GRIP1: variants seen among roughly 807,000 people sequenced by gnomAD.
GRIP1 encodes glutamate receptor interacting protein 1.
In GRIP1, 45 loss-of-function variants were observed where a neutral mutation model predicts 129.9. The observed-to-expected ratio is 0.35, with a 90% CI of 0.27 to 0.44. The LOEUF (loss-of-function observed/expected upper bound fraction) is 0.44. Ranked by LOEUF, GRIP1 falls within the 20% of genes least tolerant of loss-of-function variation. The probability of loss-of-function intolerance (pLI) is 1.00; values close to 1 mark genes in which losing one functional copy is unlikely to be tolerated. For synonymous variants in GRIP1, 530 were observed against 520.8 expected (o/e 1.02, Z -0.24); for missense variants, 1,196 against 1,396.8 (o/e 0.86, Z 2.29).
rs754282579 is a variant in GRIP1 at position 66,371,940 on chromosome 12, C to T, written c.2779-13G>A. On this transcript the variant is annotated splice_polypyrimidine_tract_variant and intron_variant, in intron 22 of 24. Transcript: ENST00000359742. Reference sequence around the variant, plus strand: ...ACATGATTGTTGCCTGTGGCATTGACAATTTTTAGAAACAATTAAGCCATG... The same window carrying T: ...ACATGATTGTTGCCTGTGGCATTGATAATTTTTAGAAACAATTAAGCCATG... 6.4e-7 allele frequency: 1 copy of T among 1,550,480 alleles called. No homozygotes were observed. Among genetic ancestry groups the T allele is most frequent in the South Asian group, 1.1e-5 (1 of 89,952 alleles).
chr12:67,063,677 C>T (rs2043573281), intron 1 of GRIP1, among the ~76,000 whole-genome samples: 1 of 152,076 alleles, frequency 6.6e-6, no homozygotes, highest in Non-Finnish European at 1.5e-5. Context: ...ATCCTAAATG[C>T]CTTTAATAGT....
intron 1 of GRIP1, among the ~76,000 whole-genome samples, chr12:66,814,589 T>TAAAAAAAAAA (rs79461500): frequency 9.2e-6 from 1 of 108,424 alleles, no homozygotes. Context: ...AGTGATACCA[T>TAAAAAAAAAA]AAAAAAAAAA....
chr12:66,685,751 T>C (rs552177377), intron 1 of GRIP1, among the ~76,000 whole-genome samples: 1 of 152,326 alleles, frequency 6.6e-6, no homozygotes, highest in South Asian at 2.1e-4. Context: ...ACTCCCTCCA[T>C]ACCCAGCTTA....
At chr12:66,782,161 T>C (rs2038181624) in intron 1 of GRIP1, among the ~76,000 whole-genome samples, 1 of 152,178 alleles carries the variant, frequency 6.6e-6, no homozygotes, top group African/African-American at 2.4e-5. Context: ...ATTCATTAAG[T>C]TGTACACTTA....
At chr12:66,787,003 CCAAAA>C (rs2038368759) in intron 1 of GRIP1, among the ~76,000 whole-genome samples, 1 of 152,070 alleles carries the variant, frequency 6.6e-6, no homozygotes, top group Non-Finnish European at 1.5e-5. Flanking sequence ...GAGAAGAAAT[CCAAAA>C]CAAAACAACA....
At chr12:66,838,742 C>T (rs1444160293) in intron 1 of GRIP1, among the ~76,000 whole-genome samples, 1 of 152,082 alleles carries the variant, frequency 6.6e-6, no homozygotes, top group Non-Finnish European at 1.5e-5. Context: ...GGTTTGGTAG[C>T]AGTGGTGACT....
At chr12:66,464,954 C>CTTTTT (rs62769560) in intron 8 of GRIP1, among the ~76,000 whole-genome samples, 3,085 of 93,512 alleles carry the variant, frequency 0.033, 137 homozygotes, top group African/African-American at 0.1. Context: ...TTCTTTCTTT[C>CTTTTT]TTTTTTTTTT....
At chr12:66,748,159 C>T (rs1054537518) in intron 1 of GRIP1, among the ~76,000 whole-genome samples, 1 of 152,076 alleles carries the variant, frequency 6.6e-6, no homozygotes, top group African/African-American at 2.4e-5. Context: ...TCTGGGACTA[C>T]AGGGCACACC....
chr12:66,641,193 T>C (rs982349769), intron 1 of GRIP1, among the ~76,000 whole-genome samples: 9 of 152,242 alleles, frequency 5.9e-5, no homozygotes, highest in African/African-American at 2.2e-4. Context: ...TGGTAGTAAC[T>C]GAGACACTGT....
chr12:66,835,797 G>A (rs564209767), intron 1 of GRIP1, among the ~76,000 whole-genome samples: 19 of 152,288 alleles, frequency 1.2e-4, no homozygotes, highest in African/African-American at 3.4e-4. Context: ...ATCATTTTGC[G>A]TGATACCCCA....
intron 22 of GRIP1, among the ~76,000 whole-genome samples, chr12:66,373,229 A>G (rs548283491): frequency 6.6e-6 from 1 of 152,292 alleles, no homozygotes; most frequent in East Asian, 1.9e-4. Flanking sequence ...AGCTGGGACT[A>G]CAGGCATGCG....
intron 16 of GRIP1, among the ~76,000 whole-genome samples, chr12:66,400,667 T>C (rs1565701201): frequency 6.6e-6 from 1 of 152,132 alleles, no homozygotes. Flanking sequence ...TGATTTATGG[T>C]CTCCAAAAAT....
rs562644856 is a variant in GRIP1 at position 66,527,347 on chromosome 12, TA to T, written c.502+2483del. Among the ~76,000 whole-genome samples, 18 of 152,098 alleles carry T rather than the reference TA, an allele frequency of 1.2e-4. No individual in the cohort carries two copies. In the South Asian group the frequency reaches 3.7e-3, roughly 32 times the overall value. ...TACACCATGGAATACTATGCAGCCA[TA>T]AAAAATGATGAGTTCATGTCCTTTA... On this transcript the variant is annotated intron_variant, in intron 5 of 24. Transcript: ENST00000359742.
In GRIP1 at chr12:66,371,730, C is replaced by T; in HGVS notation, c.2976G>A (p.Lys992=). 1 of 1,613,548 alleles carries T rather than the reference C, an allele frequency of 6.2e-7. No homozygotes were observed. Among genetic ancestry groups the T allele is most frequent in the Non-Finnish European group, 8.5e-7 (1 of 1,179,466 alleles). ...VTLRKMKQEI[K]EIMSPTPVEL... is the part of the protein sequence containing the mutation. ...CCACAGGAGTTGGAGACATGATCTC[C>T]TTTATTTCTTGTTTCATTTTTCTCA... Residue 992 remains lysine, a synonymous_variant, in exon 23 of 25, where the codon AAG becomes AAA. Coordinates refer to ENST00000359742, the MANE Select transcript of GRIP1 (RefSeq NM_001366722.1).
chr12:67,004,018 C>T (rs1205970798), intron 1 of GRIP1, among the ~76,000 whole-genome samples: 4 of 152,266 alleles, frequency 2.6e-5, no homozygotes, highest in Non-Finnish European at 4.4e-5. Context: ...CTGATGCCTC[C>T]GTCTTCACAT....
At chr12:66,925,263 C>A (rs1419425981) in intron 1 of GRIP1, among the ~76,000 whole-genome samples, 3 of 151,996 alleles carry the variant, frequency 2.0e-5, no homozygotes, top group East Asian at 3.9e-4. Flanking sequence ...GAAGTGAAAG[C>A]GAATAAGGAA....
chr12:66,689,614 T>A (rs990928754), intron 1 of GRIP1, among the ~76,000 whole-genome samples: 1 of 152,194 alleles, frequency 6.6e-6, no homozygotes, highest in African/African-American at 2.4e-5. Flanking sequence ...CACTGTTAAA[T>A]GACCACAATC....
At chr12:66,762,978 T>C (rs955644049) in intron 1 of GRIP1, among the ~76,000 whole-genome samples, 1 of 152,208 alleles carries the variant, frequency 6.6e-6, no homozygotes, top group African/African-American at 2.4e-5. Flanking sequence ...GAGCAGTCAC[T>C]GATCATCATA....
chr12:66,539,545 CTTTT>C (rs35373698), intron 3 of GRIP1, among the ~76,000 whole-genome samples: 31 of 59,284 alleles, frequency 5.2e-4, no homozygotes, highest in Middle Eastern at 0.045. Context: ...TCAAGAGAAG[CTTTT>C]TTTTTTTTTT....
Sources: allele counts gnomAD v4.1 joint callset (sites outside exome capture counted in the v4.1 genomes callset), GRCh38; gene constraint gnomAD v4.1.1; transcripts MANE v1.5; gene names NCBI Gene and HGNC (gene_info 2026-07-23, HGNC 2026-07-21).